The following OSBPL8 variants were observed in gnomAD, a reference collection of about 807,000 sequenced individuals.
OSBPL8 encodes the protein oxysterol binding protein like 8.
A neutral mutation model predicts 125.5 loss-of-function variants in OSBPL8; 59 were observed. That is an observed-to-expected ratio of 0.47 (90% confidence interval 0.38 to 0.58). The LOEUF (loss-of-function observed/expected upper bound fraction) is 0.58. Ranked by LOEUF, OSBPL8 falls within the 20% of genes least tolerant of loss-of-function variation. The pLI is 0.00. For synonymous variants in OSBPL8, 330 were observed against 338.9 expected (o/e 0.97, Z 0.29); for missense variants, 758 against 1,047.8 (o/e 0.72, Z 3.82).
intron 1 of OSBPL8, among the ~76,000 whole-genome samples, chr12:76,530,864 G>A (rs1950320082): frequency 6.6e-6 from 1 of 152,138 alleles, no homozygotes; most frequent in South Asian, 2.1e-4. Context: ...AACTAACAAA[G>A]GAGTATTAGA....
chr12:76,381,782 T>C (rs941399274), intron 15 of OSBPL8, among the ~76,000 whole-genome samples: 2 of 151,856 alleles, frequency 1.3e-5, no homozygotes. Flanking sequence ...TTGCCCAGGC[T>C]GGAGTGCAGT....
At chr12:76,458,205 T>C (rs371938502) in intron 3 of OSBPL8, among the ~76,000 whole-genome samples, 4 of 152,048 alleles carry the variant, frequency 2.6e-5, no homozygotes, top group Non-Finnish European at 5.9e-5. Flanking sequence ...CTAGGAGAAG[T>C]TGTGGCTGCA....
intron 2 of OSBPL8, among the ~76,000 whole-genome samples, chr12:76,483,551 G>A (rs180950664): frequency 1.3e-5 from 2 of 151,014 alleles, no homozygotes; most frequent in Admixed American, 6.6e-5. Flanking sequence ...GCAACAGAGC[G>A]AGACTCTGTC....
chr12:76,382,055 C>T (rs1388129130), intron 15 of OSBPL8, among the ~76,000 whole-genome samples: 4 of 151,788 alleles, frequency 2.6e-5, no homozygotes, highest in African/African-American at 7.3e-5. Context: ...TTACTTTCAG[C>T]CTATTTGTGT....
At chr12:76,553,713 C>T (rs1169129425) in intron 1 of OSBPL8, among the ~76,000 whole-genome samples, 1 of 150,530 alleles carries the variant, frequency 6.6e-6, no homozygotes, top group African/African-American at 2.4e-5. Flanking sequence ...AGGTAGCTCA[C>T]GCCTGTAATC....
intron 21 of OSBPL8, among the ~76,000 whole-genome samples, chr12:76,368,076 C>T (rs1338014904): frequency 6.6e-6 from 1 of 151,966 alleles, no homozygotes; most frequent in African/African-American, 2.4e-5. Context: ...ACATATTTAC[C>T]TTAGCATTTT....
chr12:76,483,634 C>T (rs1479790824), intron 2 of OSBPL8, among the ~76,000 whole-genome samples: 1 of 146,798 alleles, frequency 6.8e-6, no homozygotes, highest in African/African-American at 2.5e-5. Context: ...TTTTTCACAA[C>T]CTCACCCCAA....
intron 4 of OSBPL8, among the ~76,000 whole-genome samples, chr12:76,443,030 G>A (rs949951755): frequency 1.3e-5 from 2 of 152,126 alleles, no homozygotes; most frequent in African/African-American, 4.8e-5. Flanking sequence ...TTAAGAGAAC[G>A]TACTAAGGGA....
At chr12:76,445,747 G>A (rs1465059177) in intron 4 of OSBPL8, among the ~76,000 whole-genome samples, 5 of 152,268 alleles carry the variant, frequency 3.3e-5, no homozygotes, top group African/African-American at 9.6e-5. Context: ...CACTGCCTAA[G>A]AGGAATGTAA....
At chr12:76,482,106 G>C (rs1246223460) in intron 2 of OSBPL8, among the ~76,000 whole-genome samples, 6 of 152,046 alleles carry the variant, frequency 3.9e-5, no homozygotes, top group Admixed American at 6.6e-5. Flanking sequence ...GAAAGCTTTT[G>C]GATTCAAGGT....
chr12:76,486,070 C>G (rs778755006), intron 2 of OSBPL8: 2 of 418,746 alleles, frequency 4.8e-6, no homozygotes, highest in Non-Finnish European at 4.8e-6. Flanking sequence ...TGACAACAGC[C>G]TTCTTCATAA....
At chr12:76,394,483 T>C (rs1050001020) in intron 9 of OSBPL8, among the ~76,000 whole-genome samples, 162 bp downstream of exon 9, 1 of 152,218 alleles carries the variant, frequency 6.6e-6, no homozygotes, top group African/African-American at 2.4e-5. Context: ...TTTTTGTCTA[T>C]TAAGTTACTC....
At chr12:76,406,316 T>C (rs1423730528) in intron 5 of OSBPL8, among the ~76,000 whole-genome samples, 2 of 152,222 alleles carry the variant, frequency 1.3e-5, no homozygotes, top group Non-Finnish European at 2.9e-5. Flanking sequence ...GTTTGTTAAC[T>C]ATCCAGGTAA....
At chr12:76,357,927 T>C (rs542932456) in intron 22 of OSBPL8, among the ~76,000 whole-genome samples, 2 of 152,238 alleles carry the variant, frequency 1.3e-5, no homozygotes, top group Admixed American at 1.3e-4. Flanking sequence ...TAGTTCAAGA[T>C]ACTTTACACA....
chr12:76,389,567 G>A (rs532327347), intron 12 of OSBPL8, 78 bp downstream of exon 12: 28 of 1,194,964 alleles, frequency 2.3e-5, no homozygotes, highest in African/African-American at 4.6e-5. Context: ...GGAAACAAAC[G>A]ATAATTGAAA....
At chr12:76,557,359 G>A (rs1337969424) in intron 1 of OSBPL8, among the ~76,000 whole-genome samples, 2 of 152,174 alleles carry the variant, frequency 1.3e-5, no homozygotes, top group Non-Finnish European at 2.9e-5. Flanking sequence ...GCTCATGACT[G>A]TAATCCCAGC....
In OSBPL8 at chr12:76,355,796, A is replaced by G; in HGVS notation, c.*93T>C. On this transcript the variant is annotated 3_prime_UTR_variant, in exon 24 of 24. Coordinates refer to ENST00000261183, the MANE Select transcript of OSBPL8 (RefSeq NM_020841.5). Reference sequence around the variant, plus strand: ...TCCTAGGTTTTTTTGTTTTCGGAATATTGTGATTTTTAATAAAGACCAAAC... The same window carrying G: ...TCCTAGGTTTTTTTGTTTTCGGAATGTTGTGATTTTTAATAAAGACCAAAC... 1 of 1,395,074 alleles carries G rather than the reference A, an allele frequency of 7.2e-7. No individual in the cohort carries two copies. Among genetic ancestry groups the G allele is most frequent in the Non-Finnish European group, 9.7e-7 (1 of 1,031,938 alleles). 86.4% of individuals were successfully genotyped at this position (1,395,074 alleles called of 1,614,324 possible). A position where few individuals can be genotyped will look rare whatever the true frequency, so the allele number is the denominator to read the frequency against.
intron 1 of OSBPL8, among the ~76,000 whole-genome samples, chr12:76,493,058 T>C (rs1177848236): frequency 1.3e-5 from 2 of 152,228 alleles, no homozygotes; most frequent in African/African-American, 4.8e-5. Flanking sequence ...ACAGTGCATT[T>C]GGAGTAGAAT....
intron 1 of OSBPL8, among the ~76,000 whole-genome samples, chr12:76,549,842 G>C (rs1252421690): frequency 6.6e-6 from 1 of 151,902 alleles, no homozygotes; most frequent in Non-Finnish European, 1.5e-5. Context: ...CACAGAATTC[G>C]GAAAGTTTGC....
Sources: gnomAD v4.1 joint callset for allele counts (sites outside exome capture counted in the v4.1 genomes callset) on GRCh38, gnomAD v4.1.1 for gene constraint, MANE v1.5 for transcripts, NCBI Gene and HGNC (gene_info 2026-07-23, HGNC 2026-07-21) for gene names.